The following FHL1 variants were observed in gnomAD, a reference collection of about 807,000 sequenced individuals.
FHL1 encodes the protein four and a half LIM domains protein 1.
Under a neutral mutation model 20.3 loss-of-function variants are expected in FHL1, and 1 was observed. The observed-to-expected ratio is 0.05, with a 90% CI of 0.02 to 0.23. FHL1 has a LOEUF of 0.23. Ranked by LOEUF, FHL1 falls within the 10% of genes least tolerant of loss-of-function variation. The probability of loss-of-function intolerance (pLI) is 1.00; values close to 1 mark genes in which losing one functional copy is unlikely to be tolerated. For synonymous variants in FHL1, 82 were observed against 88.9 expected (o/e 0.92, Z 0.44); for missense variants, 177 against 234.0 (o/e 0.76, Z 1.59).
At chrX:136,194,546 G>A (rs957884991), upstream of FHL1, among the ~76,000 whole-genome samples, 3 of 111,448 alleles carry the variant, frequency 2.7e-5, no homozygotes, top group African/African-American at 9.8e-5. Context: ...GAGACTAGAA[G>A]GCCTGAAATG....
chrX:136,172,821 C>T (rs2072907562), intron 2 of FHL1, among the ~76,000 whole-genome samples: 3 of 112,178 alleles, frequency 2.7e-5, no homozygotes, highest in Admixed American at 1.9e-4. Context: ...CAATCTGTAC[C>T]TCCCAGGTTC....
chrX:136,156,539 C>T (rs2148271161), intron 1 of FHL1, among the ~76,000 whole-genome samples: 1 of 111,381 alleles, frequency 9.0e-6, no homozygotes, highest in African/African-American at 3.3e-5. Flanking sequence ...TCCTCGGCCT[C>T]CCAAATTGCT....
At chrX:136,170,973 G>T (rs1569528831) in intron 2 of FHL1, among the ~76,000 whole-genome samples, 1 of 111,769 alleles carries the variant, frequency 8.9e-6, no homozygotes, top group Non-Finnish European at 1.9e-5. Context: ...TTCTCCCCAG[G>T]TTTTAAAATA....
chrX:136,191,635 G>A (rs763966719), intron 2 of FHL1, among the ~76,000 whole-genome samples: 2 of 111,794 alleles, frequency 1.8e-5, no homozygotes, highest in Non-Finnish European at 3.8e-5. Flanking sequence ...ATAAAGTAAT[G>A]TATTAATTAT....
Position 136,209,542 on chromosome X carries a change from T to TCGGTG in FHL1, c.737-326_737-322dup. 3 of 859,773 alleles carry TCGGTG rather than the reference T, an allele frequency of 3.5e-6. No homozygotes were observed. In the South Asian group the frequency reaches 7.2e-5, roughly 21 times the overall value. The allele number at this position is 859,773 out of a possible 1,213,427, so 70.9% of individuals were successfully genotyped here. On this transcript the variant is annotated intron_variant, in intron 5 of 5. Coordinates refer to ENST00000370683, the MANE Select transcript of FHL1 (RefSeq NM_001159699.2). Reference sequence around the variant, plus strand: ...CAAAGAAACTGGTTATGCTGGGAGGTCGGTGCGCGTCACAGGGCAATAGCG... The same window carrying TCGGTG: ...CAAAGAAACTGGTTATGCTGGGAGGTCGGTGCGGTGCGCGTCACAGGGCAATAGCG...
intron 2 of FHL1, among the ~76,000 whole-genome samples, chrX:136,189,179 G>T (rs1262448949): frequency 8.9e-6 from 1 of 112,090 alleles, no homozygotes; most frequent in Non-Finnish European, 1.9e-5. Flanking sequence ...TGGCAGGGAG[G>T]ATGTAGGGAA....
intron 5 of FHL1, chrX:136,209,088 GTTTA>G (rs1271002640): frequency 3.6e-4 from 172 of 482,389 alleles, no homozygotes; most frequent in Non-Finnish European, 4.8e-4. Context: ...TTGGTTTGCT[GTTTA>G]TTTGTTTTTG....
intron 1 of FHL1, chrX:136,204,939 G>A (rs1439706766): frequency 4.5e-5 from 5 of 112,076 alleles, no homozygotes; most frequent in Admixed American, 3.8e-4. Flanking sequence ...GAAGAGCTGC[G>A]GTGAGTACCA....
intron 2 of FHL1, among the ~76,000 whole-genome samples, chrX:136,177,045 CAT>C (rs201505343): frequency 1.1e-4 from 12 of 109,765 alleles, no homozygotes; most frequent in Admixed American, 2.9e-4. Context: ...CACACACACA[CAT>C]AATGTCTCAA....
chrX:136,197,749 A>G (rs1302990933), intron 1 of FHL1, among the ~76,000 whole-genome samples: 1 of 112,425 alleles, frequency 8.9e-6, no homozygotes, highest in Non-Finnish European at 1.9e-5. Context: ...TAACCTTACA[A>G]TTAAGGAAGC....
intron 1 of FHL1, among the ~76,000 whole-genome samples, chrX:136,158,487 C>T (rs1392620622): frequency 9.0e-6 from 1 of 111,557 alleles, no homozygotes; most frequent in East Asian, 2.8e-4. Context: ...GATTTTCCTC[C>T]TCCATGTCTT....
upstream of FHL1, chrX:136,146,811 G>A (rs1052781910): frequency 1.8e-5 from 6 of 327,502 alleles, no homozygotes; most frequent in Admixed American, 9.4e-5. Flanking sequence ...CTTTGCCATC[G>A]GTGCTTTCTG....
chrX:136,177,959 C>T (rs1183135331), intron 2 of FHL1, among the ~76,000 whole-genome samples: 3 of 112,074 alleles, frequency 2.7e-5, no homozygotes, highest in Non-Finnish European at 5.6e-5. Context: ...AGTTTGAAAC[C>T]TTGACTCACT....
At chrX:136,199,723 A>G (rs1423957431) in intron 1 of FHL1, among the ~76,000 whole-genome samples, 1 of 112,386 alleles carries the variant, frequency 8.9e-6, no homozygotes, top group African/African-American at 3.2e-5. Context: ...ATTTTTTTCC[A>G]TTTGGGTTGT....
At chrX:136,207,318 C>T in intron 3 of FHL1, 128 bp downstream of exon 3, 4 of 609,261 alleles carry the variant, frequency 6.6e-6, no homozygotes, top group Non-Finnish European at 1.0e-5. Flanking sequence ...TATATATGTA[C>T]ACATATACAT....
chrX:136,146,759 C>CT (rs2072105953), upstream of FHL1: 1 of 328,270 alleles, frequency 3.0e-6, no homozygotes, highest in African/African-American at 2.6e-5. Context: ...ATGGCGAGGG[C>CT]TCAGTAAACT....
chrX:136,170,269 C>T (rs949405490), intron 2 of FHL1, among the ~76,000 whole-genome samples: 30 of 111,862 alleles, frequency 2.7e-4, no homozygotes, highest in African/African-American at 9.1e-4. Flanking sequence ...CTGCTCATGT[C>T]GTTGCACGAA....
rs1396581460 is a variant in FHL1, at chrX:136,210,282, A to T, written c.*257A>T. On this transcript the variant is annotated 3_prime_UTR_variant, in exon 6 of 6. Transcript: ENST00000370683. Reference sequence around the variant, plus strand: ...TAAAAATGAAAACTTAGGTAGATTGACTCTTCTGCATGTTTCTCATAGAGC... The same window carrying T: ...TAAAAATGAAAACTTAGGTAGATTGTCTCTTCTGCATGTTTCTCATAGAGC... 1 of 468,968 alleles carries T rather than the reference A, an allele frequency of 2.1e-6. No individual in the cohort carries two copies. The highest frequency in any genetic ancestry group is 3.8e-6 in the Non-Finnish European group (1 of 260,791). 38.6% of individuals were successfully genotyped at this position (468,968 alleles called of 1,213,427 possible).
chrX:136,203,549 T>C (rs1475738608), intron 1 of FHL1, among the ~76,000 whole-genome samples: 1 of 112,433 alleles, frequency 8.9e-6, no homozygotes, highest in East Asian at 2.8e-4. Context: ...CTTCATTGTC[T>C]GACATTTTCA....
Sources: allele counts gnomAD v4.1 joint callset (sites outside exome capture counted in the v4.1 genomes callset), GRCh38; gene constraint gnomAD v4.1.1; transcripts MANE v1.5; gene names NCBI Gene and HGNC (gene_info 2026-07-23, HGNC 2026-07-21).